The following MACROH2A1 variants were observed in gnomAD, a reference collection of about 807,000 sequenced individuals.
MACROH2A1 encodes core histone macro-H2A.1.
A neutral mutation model predicts 31.6 loss-of-function variants in MACROH2A1; 2 were observed. That is an observed-to-expected ratio of 0.06 (90% confidence interval 0.03 to 0.20). The LOEUF (loss-of-function observed/expected upper bound fraction) is 0.20, where lower values mean the gene tolerates loss of function less well. Ranked by LOEUF, MACROH2A1 falls within the 10% of genes least tolerant of loss-of-function variation. The probability of loss-of-function intolerance (pLI) is 1.00; values close to 1 mark genes in which losing one functional copy is unlikely to be tolerated. For missense variants in MACROH2A1, 230 were observed against 474.0 expected (o/e 0.49, Z 4.78); for synonymous variants, 169 against 189.6 (o/e 0.89, Z 0.89).
At chr5:135,336,531 A>ACAGAGCAGCCT (rs1373095495) in intron 8 of MACROH2A1, among the ~76,000 whole-genome samples, 2 of 90,316 alleles carry the variant, frequency 2.2e-5, no homozygotes, top group African/African-American at 1.8e-4. Context: ...CAGAGCAGCC[A>ACAGAGCAGCCT]GCGCATACAA....
At chr5:135,357,375 G>A (rs1273652074) in intron 5 of MACROH2A1, 1 of 152,216 alleles carries the variant, frequency 6.6e-6, no homozygotes, top group Non-Finnish European at 1.5e-5. Context: ...AACTTCAAGA[G>A]CTCCCTTTCT....
chr5:135,334,401 A>C lies in MACROH2A1; in HGVS notation c.*575T>G, dbSNP rs557703692. 4.0e-5 allele frequency: 7 copies of C among 177,122 alleles called. 1 individual carries two copies. The highest frequency in any genetic ancestry group is 1.7e-4 in the African/African-American group (7 of 41,884). The allele number at this position is 177,122 out of a possible 1,614,324, so 11.0% of individuals were successfully genotyped here. A position where few individuals can be genotyped will look rare whatever the true frequency, so the allele number is the denominator to read the frequency against. ...ACAACAACGGTTTAACATTTTACTA[A>C]ATCAACTCACACAAATTCCAAATTG... On this transcript the variant is annotated 3_prime_UTR_variant, in exon 9 of 9. Transcript: ENST00000511689.
At chr5:135,337,022 G>A (rs540544148) in intron 8 of MACROH2A1, among the ~76,000 whole-genome samples, 2 of 152,352 alleles carry the variant, frequency 1.3e-5, no homozygotes, top group South Asian at 4.1e-4. Context: ...GATCAACGGG[G>A]GCTGCAGGGT....
At chr5:135,370,611 A>G (rs1006143937) in intron 2 of MACROH2A1, among the ~76,000 whole-genome samples, 1 of 152,252 alleles carries the variant, frequency 6.6e-6, no homozygotes, top group Non-Finnish European at 1.5e-5. Context: ...GATTACATCA[A>G]TGCTGAATGC....
At chr5:135,346,160 T>A (rs537477898) in intron 6 of MACROH2A1, 103 bp from the exon 7 acceptor site, 320 of 772,608 alleles carry the variant, frequency 4.1e-4, no homozygotes, top group Non-Finnish European at 6.9e-4. Flanking sequence ...TCTATTAAAT[T>A]TCCATCAGGC....
intron 2 of MACROH2A1, among the ~76,000 whole-genome samples, chr5:135,387,589 C>T (rs1766589155): frequency 6.6e-6 from 1 of 152,182 alleles, no homozygotes; most frequent in African/African-American, 2.4e-5. Context: ...CCCACCTGAT[C>T]ATGTCTCAGG....
intron 6 of MACROH2A1, chr5:135,351,491 A>G (rs1414823228): frequency 1.4e-5 from 2 of 145,720 alleles, no homozygotes; most frequent in African/African-American, 5.1e-5. Flanking sequence ...ATCTCTATCA[A>G]TATTTTTCCA....
intron 8 of MACROH2A1, among the ~76,000 whole-genome samples, chr5:135,336,516 A>ACG (rs1554085698): frequency 3.4e-4 from 52 of 151,930 alleles, no homozygotes; most frequent in South Asian, 6.2e-4. Context: ...GCAGCTCCTC[A>ACG]GCCACAGAGC....
chr5:135,342,124 G>C (rs1260147057), intron 8 of MACROH2A1, among the ~76,000 whole-genome samples: 1 of 152,204 alleles, frequency 6.6e-6, no homozygotes, highest in African/African-American at 2.4e-5. Flanking sequence ...GCCTTCCAGA[G>C]GCCTTGGACT....
At chr5:135,388,805 A>T in intron 2 of MACROH2A1, 117 bp downstream of exon 2, 1 of 829,630 alleles carries the variant, frequency 1.2e-6, no homozygotes, top group Non-Finnish European at 1.9e-6. Context: ...TCTTCTTGTA[A>T]CTTTTCTGTA....
chr5:135,338,759 C>T (rs1759246591), intron 8 of MACROH2A1, among the ~76,000 whole-genome samples: 1 of 148,140 alleles, frequency 6.8e-6, no homozygotes, highest in South Asian at 2.1e-4. Context: ...GCCTCTGTGC[C>T]AGCCACTCTG....
At chr5:135,370,712 G>T (rs1764074695) in intron 2 of MACROH2A1, among the ~76,000 whole-genome samples, 1 of 152,126 alleles carries the variant, frequency 6.6e-6, no homozygotes, top group Non-Finnish European at 1.5e-5. Context: ...TGTGTGTGTG[G>T]GGGGAGGTTG....
At chr5:135,396,740 G>T (rs142066464) in intron 1 of MACROH2A1, among the ~76,000 whole-genome samples, 1 of 152,082 alleles carries the variant, frequency 6.6e-6, no homozygotes, top group Non-Finnish European at 1.5e-5. Context: ...CTCCCCCAAG[G>T]TAGGGGCTAG....
chr5:135,357,903 C>A, intron 5 of MACROH2A1: 1 of 985,038 alleles, frequency 1.0e-6, no homozygotes, highest in South Asian at 4.7e-5. Context: ...AGCAACCATG[C>A]CTTACAGGGC....
In MACROH2A1 at chr5:135,369,320, A is replaced by T. The variant is rs1763900503; in HGVS notation, c.477+86T>A. 4.7e-6 allele frequency: 5 copies of T among 1,064,554 alleles called. No homozygotes were observed. In the East Asian group the frequency reaches 9.4e-5, roughly 20 times the overall value. The allele number at this position is 1,064,554 out of a possible 1,614,324, so 65.9% of individuals were successfully genotyped here. ...TCTCCCATCAGTGGGATGAGCCCAC[A>T]GGGGGAATGAGGGGGGTGCCCTGGT... On this transcript the variant is annotated intron_variant, in intron 4 of 8. Transcript: ENST00000511689. This position sits in a 1 kb window ranked among gnomAD's most constrained non-coding sequence, Gnocchi z 4.3.
rs776358744 is a variant in MACROH2A1 at position 135,369,679 on chromosome 5, G to A, written c.280-76C>T. Reference sequence around the variant, plus strand: ...ACCTTCAAGAAGCCAGCCCTGCCCAGGACAGTCTTGCTTTGGGTTGGTGCA... The same window carrying A: ...ACCTTCAAGAAGCCAGCCCTGCCCAAGACAGTCTTGCTTTGGGTTGGTGCA... On this transcript the variant is annotated intron_variant, in intron 3 of 8. Coordinates refer to ENST00000511689, the MANE Select transcript of MACROH2A1 (RefSeq NM_138610.3). This position sits in a 1 kb window ranked among gnomAD's most constrained non-coding sequence, Gnocchi z 4.3. The A allele has an allele frequency of 1.1e-4, 128 of 1,207,648 alleles. No individual in the cohort carries two copies. The highest frequency in any genetic ancestry group is 1.4e-4 in the Non-Finnish European group (112 of 820,678). The allele number at this position is 1,207,648 out of a possible 1,614,324, so 74.8% of individuals were successfully genotyped here.
At chr5:135,342,602 C>G (rs1429064539) in intron 8 of MACROH2A1, among the ~76,000 whole-genome samples, 2 of 152,136 alleles carry the variant, frequency 1.3e-5, no homozygotes, top group African/African-American at 4.8e-5. Context: ...CTGTGTTGGT[C>G]GTGAAGACCT....
At chr5:135,364,044 T>G (rs1322310147) in intron 4 of MACROH2A1, among the ~76,000 whole-genome samples, 4 of 152,228 alleles carry the variant, frequency 2.6e-5, no homozygotes, top group Non-Finnish European at 2.9e-5. Context: ...AAATTTAAGT[T>G]CTTTGTAGAT....
intron 7 of MACROH2A1, chr5:135,343,694 C>G: frequency 1.9e-6 from 1 of 515,518 alleles, no homozygotes; most frequent in Non-Finnish European, 3.5e-6. Context: ...TCTCCACTCT[C>G]AGAAAGCATA....
Sources: allele counts gnomAD v4.1 joint callset (sites outside exome capture counted in the v4.1 genomes callset), GRCh38; gene constraint gnomAD v4.1.1; non-coding constraint Gnocchi (gnomAD v3.1); transcripts MANE v1.5; gene names NCBI Gene and HGNC (gene_info 2026-07-23, HGNC 2026-07-21).